Variants in RAP2C observed in about 807,000 individuals in gnomAD.
RAP2C encodes the protein ras-related protein Rap-2c.
RAP2C carries 3 observed loss-of-function variants against 8.9 expected under a neutral mutation model. That is an observed-to-expected ratio of 0.34 (90% CI 0.15 to 0.87). The LOEUF is 0.87. Among genes scored for constraint, RAP2C ranks in the 40% least tolerant of loss-of-function variants. The probability of loss-of-function intolerance (pLI) is 0.51; values close to 1 mark genes in which losing one functional copy is unlikely to be tolerated. For missense variants in RAP2C, 76 were observed against 133.7 expected, an observed-to-expected ratio of 0.57 and a Z score of 2.13; for synonymous variants, 60 against 52.1, an observed-to-expected ratio of 1.15 and a Z score of -0.65.
At chrX:132,216,140 C>T (rs1034591646) in intron 4 of RAP2C, among the ~76,000 whole-genome samples, 6 of 111,967 alleles carry the variant, frequency 5.4e-5, no homozygotes, top group African/African-American at 2.0e-4. Flanking sequence ...TAGAAACATA[C>T]ATTGCATATC....
chrX:132,216,033 G>A (rs1036300662), intron 4 of RAP2C, among the ~76,000 whole-genome samples: 3 of 112,348 alleles, frequency 2.7e-5, no homozygotes, highest in Non-Finnish European at 3.8e-5. Context: ...TACATTAAGT[G>A]CATACCTTTA....
Position 132,217,789 on chromosome X carries a change from C to A in RAP2C, c.-521G>T, listed in dbSNP as rs1162581790. On this transcript the variant is annotated 5_prime_UTR_variant, in exon 4 of 6. Transcript: ENST00000370874. ...CGGGCGGGTTTCTGGGCCCCGGCTC[C>A]CGCGGGGGTCGTCCGGCCTGTGAAG... The A allele has an allele frequency of 1.8e-5, 2 of 113,323 alleles. No individual in the cohort carries two copies. The highest frequency in any genetic ancestry group is 6.4e-5 in the African/African-American group (2 of 31,176). The allele number at this position is 113,323 out of a possible 1,213,427, so 9.3% of individuals were successfully genotyped here.
intron 5 of RAP2C, among the ~76,000 whole-genome samples, chrX:132,211,261 A>G (rs1930422186): frequency 9.0e-6 from 1 of 111,481 alleles, no homozygotes; most frequent in Admixed American, 9.5e-5. Flanking sequence ...CTGAACTCCC[A>G]CAGGACAGTG....
chrX:132,207,097 C>G (rs185309075), intron 5 of RAP2C, among the ~76,000 whole-genome samples: 1 of 111,451 alleles, frequency 9.0e-6, no homozygotes, highest in East Asian at 2.8e-4. Context: ...TTGAACACAA[C>G]AGTATTTCAT....
At position 132,217,297 on chromosome X, in the gene RAP2C, AG is replaced by A. The variant is rs779969358; in HGVS notation, c.-30del. On this transcript the variant is annotated 5_prime_UTR_variant, in exon 4 of 6. Coordinates refer to ENST00000370874, the MANE Select transcript of RAP2C (RefSeq NM_001271186.2). ...TCTCACCTTCACCAACTCCTACCAGAGGGGGGGAAAGATCACCCCGCTAGCT... is the reference window on the plus strand; with the variant it reads ...TCTCACCTTCACCAACTCCTACCAGAGGGGGGAAAGATCACCCCGCTAGCT... 5 of 1,056,619 alleles carry A rather than the reference AG, an allele frequency of 4.7e-6. No individual in the cohort carries two copies. The highest frequency in any genetic ancestry group is 3.4e-5 in the East Asian group (1 of 29,008). The allele number at this position is 1,056,619 out of a possible 1,213,427, so 87.1% of individuals were successfully genotyped here.
chrX:132,214,682 C>T (rs1223668596), intron 4 of RAP2C: 1 of 359,349 alleles, frequency 2.8e-6, no homozygotes, highest in Non-Finnish European at 3.6e-6. Context: ...GGGTTGCACA[C>T]TAACCTTGAC....
Position 132,217,028 on chromosome X carries a change from C to T in RAP2C, c.241G>A (p.Val81Ile), listed in dbSNP as rs200579419. 1.6e-4 allele frequency: 188 copies of T among 1,163,346 alleles called. No homozygotes were observed. The highest frequency in any genetic ancestry group is 2.1e-4 in the Non-Finnish European group (184 of 872,187). ...GACTGTTGATTAACCAGGCTATAAA[C>T]CAGGATGAAACCTTGGCCGTTTTTG... Reference protein sequence around the residue: ...YIKNGQGFILVYSLVNQQSFQ... With the variant: ...YIKNGQGFILIYSLVNQQSFQ... Residue 81 changes from valine to isoleucine, a missense_variant, in exon 4 of 6, where the codon GTT (valine) becomes ATT (isoleucine). Coordinates refer to ENST00000370874, the MANE Select transcript of RAP2C (RefSeq NM_001271186.2).
intron 4 of RAP2C, 75 bp downstream of exon 4, chrX:132,216,921 G>A: frequency 9.9e-7 from 1 of 1,005,800 alleles, no homozygotes; most frequent in Non-Finnish European, 1.3e-6. Context: ...ATTAATGCAC[G>A]GTTCAAGCAA....
At position 132,205,521 on chromosome X, in the gene RAP2C, C is replaced by G. The variant is rs1186647141; in HGVS notation, c.*101G>C. Reference sequence around the variant, plus strand: ...TAATAGAGACAGGTTTACCAAGGCTCAGTTCTGCAACCCAGGTTGTAAAGT... The same window carrying G: ...TAATAGAGACAGGTTTACCAAGGCTGAGTTCTGCAACCCAGGTTGTAAAGT... On this transcript the variant is annotated 3_prime_UTR_variant, in exon 6 of 6. Transcript: ENST00000370874. The G allele has an allele frequency of 9.0e-6, 1 of 111,603 alleles. No homozygotes were observed. The highest frequency in any genetic ancestry group is 2.8e-4 in the East Asian group (1 of 3,563). 9.2% of individuals were successfully genotyped at this position (111,603 alleles called of 1,213,427 possible).
rs765589803 is a variant in RAP2C at position 132,217,047 on chromosome X, G to A, written c.222C>T (p.Asn74=). Reference sequence around the variant, plus strand: ...TATAAACCAGGATGAAACCTTGGCCGTTTTTGATGTAGAGATCTCTCATGG... The same window carrying A: ...TATAAACCAGGATGAAACCTTGGCCATTTTTGATGTAGAGATCTCTCATGG... ...FASMRDLYIK[N]GQGFILVYSL... is the part of the protein sequence containing the mutation. Residue 74 remains asparagine, a synonymous_variant, in exon 4 of 6, where the codon AAC becomes AAT. Coordinates refer to ENST00000370874, the MANE Select transcript of RAP2C (RefSeq NM_001271186.2). 20 of 1,178,192 alleles carry A rather than the reference G, an allele frequency of 1.7e-5. No individual in the cohort carries two copies. Among genetic ancestry groups the A allele is most frequent in the Non-Finnish European group, 2.2e-5 (19 of 878,942 alleles).
Position 132,203,300 on chromosome X carries a change from C to CAAGA in RAP2C, c.*2318_*2321dup. 8.9e-6 allele frequency: 1 copy of CAAGA among 111,847 alleles called. No individual in the cohort carries two copies. Among genetic ancestry groups the CAAGA allele is most frequent in the East Asian group, 2.8e-4 (1 of 3,584 alleles). 9.2% of individuals were successfully genotyped at this position (111,847 alleles called of 1,213,427 possible). ...TCCTAAATAGATGCCATAATAAAGA[C>CAAGA]AAGACATATATTGCATTTAATATTA... On this transcript the variant is annotated 3_prime_UTR_variant, in exon 6 of 6. Transcript: ENST00000370874.
chrX:132,208,887 G>A (rs186609951), intron 5 of RAP2C, among the ~76,000 whole-genome samples: 138 of 111,020 alleles, frequency 1.2e-3, no homozygotes, highest in African/African-American at 4.0e-3. Context: ...GGCTGGTCTC[G>A]AACTCCTGGC....
In RAP2C at chrX:132,204,980, C is replaced by CAAAAAAAAAAAAAAAAAAAA. The variant is rs58119368; in HGVS notation, c.*641_*642insTTTTTTTTTTTTTTTTTTTT. ...TGTAACCTTCAGAACATGTTAATTA[C>CAAAAAAAAAAAAAAAAAAAA]AAAAAAAAAAAAAAAAAAACAAAAC... On this transcript the variant is annotated 3_prime_UTR_variant, in exon 6 of 6. Coordinates refer to ENST00000370874, the MANE Select transcript of RAP2C (RefSeq NM_001271186.2). 4 of 51,680 alleles carry CAAAAAAAAAAAAAAAAAAAA rather than the reference C, an allele frequency of 7.7e-5. No homozygotes were observed. The highest frequency in any genetic ancestry group is 1.5e-4 in the Non-Finnish European group (4 of 27,154). The allele number at this position is 51,680 out of a possible 1,213,427, so 4.3% of individuals were successfully genotyped here. A position where few individuals can be genotyped will look rare whatever the true frequency, so the allele number is the denominator to read the frequency against.
At chrX:132,214,108 T>C in intron 5 of RAP2C, 26 bp downstream of exon 5, 1 of 1,127,220 alleles carries the variant, frequency 8.9e-7, no homozygotes, top group Non-Finnish European at 1.2e-6. Context: ...CACTACCTGA[T>C]TCATACAGTT....
rs551015790 is a variant in RAP2C at position 132,203,860 on chromosome X, C to G, written c.*1762G>C. The G allele has an allele frequency of 1.8e-5, 2 of 111,949 alleles. No homozygotes were observed. Among genetic ancestry groups the G allele is most frequent in the South Asian group, 7.4e-4 (2 of 2,694 alleles). 9.2% of individuals were successfully genotyped at this position (111,949 alleles called of 1,213,427 possible). A position where few individuals can be genotyped will look rare whatever the true frequency, so the allele number is the denominator to read the frequency against. ...TTCAAAATTTAAGAACAAGAGTTCA[C>G]TTTGAGGGAATTTGCTCAGGAATCA... On this transcript the variant is annotated 3_prime_UTR_variant, in exon 6 of 6. Transcript: ENST00000370874.
At chrX:132,214,995 A>G (rs1014708177) in intron 4 of RAP2C, among the ~76,000 whole-genome samples, 3 of 111,906 alleles carry the variant, frequency 2.7e-5, no homozygotes, top group African/African-American at 9.7e-5. Context: ...ATTGAATGGT[A>G]TGCATTTATT....
chrX:132,209,176 A>C (rs1372759810), intron 5 of RAP2C, among the ~76,000 whole-genome samples: 1 of 111,953 alleles, frequency 8.9e-6, no homozygotes, highest in Non-Finnish European at 1.9e-5. Flanking sequence ...GGAATCACAC[A>C]TGAAGGAAAG....
intron 5 of RAP2C, among the ~76,000 whole-genome samples, chrX:132,209,615 C>T (rs995583545): frequency 8.9e-6 from 1 of 112,039 alleles, no homozygotes; most frequent in Admixed American, 9.5e-5. Flanking sequence ...ATGGCTAGAA[C>T]ACTTCCTTGG....
intron 2 of RAP2C, 101 bp downstream of exon 2, chrX:132,218,131 C>A (rs1602899125): frequency 1.3e-5 from 1 of 78,676 alleles, no homozygotes; most frequent in Non-Finnish European, 2.5e-5. Context: ...CACCCCCACC[C>A]CCACCAAGCA....
Sources: gnomAD v4.1 joint callset for allele counts (sites outside exome capture counted in the v4.1 genomes callset) on GRCh38, gnomAD v4.1.1 for gene constraint, MANE v1.5 for transcripts, NCBI Gene and HGNC (gene_info 2026-07-23, HGNC 2026-07-21) for gene names.